Variants in PCDHA3 observed in about 807,000 individuals in gnomAD.
PCDHA3 encodes protocadherin alpha-3.
In PCDHA3, 41 loss-of-function variants were observed where a neutral mutation model predicts 62.2. The ratio of observed to expected loss-of-function variants is 0.66; its 90% CI spans 0.51 to 0.86. The LOEUF (loss-of-function observed/expected upper bound fraction) is 0.86. Ranked by LOEUF, PCDHA3 falls within the 40% of genes least tolerant of loss-of-function variation. PCDHA3 has a pLI of 0.00. For missense variants in PCDHA3, 1,304 were observed against 1,241.2 expected, an observed-to-expected ratio of 1.05 and a Z score of -0.76; for synonymous variants, 640 against 555.4, an observed-to-expected ratio of 1.15 and a Z score of -2.14.
In PCDHA3 at chr5:140,802,445, G is replaced by A; in HGVS notation, c.1248G>A (p.Glu416=). 4 of 1,614,240 alleles carry A rather than the reference G, an allele frequency of 2.5e-6. No individual in the cohort carries two copies. The highest frequency in any genetic ancestry group is 3.4e-6 in the Non-Finnish European group (4 of 1,180,052). Residue 416 remains glutamate, a synonymous_variant, in exon 1 of 4, where the codon GAG becomes GAA. Coordinates refer to ENST00000522353, the MANE Select transcript of PCDHA3 (RefSeq NM_018906.3). ...SLVLDSPLDR[E]SVSAYELVVT... ...TGCTGGACAGCCCTCTGGACCGCGA[G>A]AGCGTGTCGGCCTATGAGCTGGTGG... is the stretch of plus-strand genomic sequence containing the variant.
rs113486331 is a variant in PCDHA3, at chr5:140,935,958, T to C, written c.2395-42991T>C. ...CCCAGGCTGGAGTAAAGTGGTACAATCTTGGCTCACTGCAATCTCTGCCTC... is the reference window on the plus strand; with the variant it reads ...CCCAGGCTGGAGTAAAGTGGTACAACCTTGGCTCACTGCAATCTCTGCCTC... On this transcript the variant is annotated intron_variant, in intron 1 of 3. Coordinates refer to ENST00000522353, the MANE Select transcript of PCDHA3 (RefSeq NM_018906.3). Among the ~76,000 whole-genome samples the C allele has an allele frequency of 4.3e-3, 649 of 149,438 alleles. 7 individuals are homozygous for C. The highest frequency in any genetic ancestry group is 0.015 in the African/African-American group (604 of 40,738).
chr5:140,836,191 A>G lies in PCDHA3; in HGVS notation c.2394+32600A>G. The stretch of plus-strand genomic sequence containing the variant: ...CGTGCAGTTGACGCTGACTCAGGCT[A>G]CAACGCGTGGCTTTCGTATGAGTTG... On this transcript the variant is annotated intron_variant, in intron 1 of 3. Coordinates refer to ENST00000522353, the MANE Select transcript of PCDHA3 (RefSeq NM_018906.3). 1.2e-6 allele frequency: 2 copies of G among 1,613,828 alleles called. 1 individual carries two copies. Among genetic ancestry groups the G allele is most frequent in the South Asian group, 2.2e-5 (2 of 91,074 alleles).
intron 1 of PCDHA3, among the ~76,000 whole-genome samples, chr5:140,962,009 G>C (rs545144318): frequency 1.3e-4 from 19 of 151,596 alleles, no homozygotes; most frequent in African/African-American, 3.6e-4. Flanking sequence ...TCAGCTTCCC[G>C]AGTAGCTGGG....
chr5:140,833,369 AT>A (rs1397488143), intron 1 of PCDHA3, among the ~76,000 whole-genome samples: 1 of 152,192 alleles, frequency 6.6e-6, no homozygotes, highest in Non-Finnish European at 1.5e-5. Context: ...AGTAAGGTAG[AT>A]CCAAAAAGGA....
At chr5:140,987,681 G>A (rs1554249426) in intron 3 of PCDHA3, among the ~76,000 whole-genome samples, 2 of 152,184 alleles carry the variant, frequency 1.3e-5, no homozygotes, top group Non-Finnish European at 2.9e-5. Context: ...TTAGTAAATA[G>A]TAGCTATTTT....
At chr5:140,967,754 T>G (rs782221420) in intron 1 of PCDHA3, 16 of 1,614,164 alleles carry the variant, frequency 9.9e-6, no homozygotes, top group South Asian at 7.7e-5. Flanking sequence ...GGAAGCCTCC[T>G]CCTACCAGAT....
intron 1 of PCDHA3, among the ~76,000 whole-genome samples, chr5:140,890,477 C>T (rs1255992157): frequency 2.0e-5 from 3 of 151,926 alleles, no homozygotes; most frequent in African/African-American, 7.3e-5. Flanking sequence ...ATTTTTTGTG[C>T]GTTATTTTTG....
intron 3 of PCDHA3, among the ~76,000 whole-genome samples, chr5:140,990,953 A>G (rs371951430): frequency 6.6e-6 from 1 of 152,194 alleles, no homozygotes; most frequent in Non-Finnish European, 1.5e-5. Flanking sequence ...GACTGTAGAA[A>G]TAGTCTCTTA....
intron 1 of PCDHA3, chr5:140,843,622 G>C (rs1249780500): frequency 1.3e-6 from 2 of 1,595,910 alleles, no homozygotes; most frequent in East Asian, 2.2e-5. Flanking sequence ...CACCGAAGAC[G>C]GACCTCATGG....
chr5:140,927,421 G>A, intron 1 of PCDHA3: 2 of 1,614,208 alleles, frequency 1.2e-6, no homozygotes, highest in South Asian at 1.1e-5. Flanking sequence ...GGGATCGCGG[G>A]TTGACGGCAG....
chr5:140,841,975 C>T (rs1777621234), intron 1 of PCDHA3: 7 of 1,613,726 alleles, frequency 4.3e-6, no homozygotes, highest in Non-Finnish European at 5.9e-6. Context: ...CAGATGGGGG[C>T]AAACCTGAGC....
chr5:140,803,484 G>A lies in PCDHA3; in HGVS notation c.2287G>A (p.Gly763Arg). ...GCAGCAGAGGGTGTGCTCTGGAGAG[G>A]GGTTGCCCAAGACCGACCTCATGGC... Reference protein sequence around the residue: ...QRQQRVCSGEGLPKTDLMAFS... With the variant: ...QRQQRVCSGERLPKTDLMAFS... The change falls in exon 1 of 4, where the codon GGG becomes AGG. Residue 763 changes from glycine (G) to arginine (R), a missense_variant. Transcript: ENST00000522353. The A allele has an allele frequency of 6.2e-7, 1 of 1,614,224 alleles. No individual in the cohort carries two copies. Among genetic ancestry groups the A allele is most frequent in the South Asian group, 1.1e-5 (1 of 91,078 alleles).
chr5:140,829,229 G>A (rs1554131821), intron 1 of PCDHA3: 1 of 1,614,122 alleles, frequency 6.2e-7, no homozygotes, highest in East Asian at 2.2e-5. Flanking sequence ...CCTCGATTCA[G>A]GTGCCAACGG....
chr5:140,936,235 GA>G (rs1358431789), intron 1 of PCDHA3, among the ~76,000 whole-genome samples: 2 of 152,076 alleles, frequency 1.3e-5, no homozygotes, highest in African/African-American at 4.8e-5. Context: ...TCCTTTTAAA[GA>G]AAACATATCC....
chr5:140,908,494 C>A (rs559456993), intron 1 of PCDHA3, among the ~76,000 whole-genome samples: 1 of 152,310 alleles, frequency 6.6e-6, no homozygotes, highest in East Asian at 1.9e-4. Flanking sequence ...GTTCAGGTTG[C>A]TTGGTGACTT....
chr5:140,995,606 C>G (rs532220927), intron 3 of PCDHA3, among the ~76,000 whole-genome samples: 30 of 152,102 alleles, frequency 2.0e-4, no homozygotes, highest in Non-Finnish European at 3.7e-4. Context: ...TTTTTCTTCT[C>G]CCAAACCAAA....
chr5:140,929,140 C>T, intron 1 of PCDHA3: 1 of 1,614,176 alleles, frequency 6.2e-7, no homozygotes, highest in Non-Finnish European at 8.5e-7. Context: ...AGTTGAGAGA[C>T]TTTCTCAGAC....
chr5:141,003,240 C>T (rs1563674729), intron 3 of PCDHA3, among the ~76,000 whole-genome samples: 2 of 152,150 alleles, frequency 1.3e-5, no homozygotes, highest in South Asian at 4.1e-4. Context: ...GAAATTTTGC[C>T]AAAAAGATTC....
intron 1 of PCDHA3, among the ~76,000 whole-genome samples, chr5:140,806,523 G>A (rs1554123633): frequency 1.3e-5 from 2 of 152,126 alleles, no homozygotes; most frequent in South Asian, 4.1e-4. Flanking sequence ...AAATGCTGAT[G>A]GTCTTTGATC....
Sources: gnomAD v4.1 joint callset for allele counts (sites outside exome capture counted in the v4.1 genomes callset) on GRCh38, gnomAD v4.1.1 for gene constraint, MANE v1.5 for transcripts, NCBI Gene and HGNC (gene_info 2026-07-23, HGNC 2026-07-21) for gene names.